Variants in FAM81A observed in about 807,000 individuals in gnomAD.
FAM81A encodes the protein family with sequence similarity 81 member A, also known as protein FAM81A.
FAM81A carries 19 observed loss-of-function variants against 46.7 expected under a neutral mutation model. The ratio of observed to expected loss-of-function variants is 0.41; its 90% CI spans 0.28 to 0.60. The LOEUF is 0.60. Ranked by LOEUF, FAM81A falls within the 20% of genes least tolerant of loss-of-function variation. The pLI is 0.34. For missense variants in FAM81A, 377 were observed against 453.5 expected, an observed-to-expected ratio of 0.83 and a Z score of 1.53; for synonymous variants, 183 against 152.9, an observed-to-expected ratio of 1.20 and a Z score of -1.45.
chr15:59,513,347 A>C (rs2082233238), intron 6 of FAM81A, among the ~76,000 whole-genome samples: 1 of 152,146 alleles, frequency 6.6e-6, no homozygotes, highest in Non-Finnish European at 1.5e-5. Context: ...GAGCCTGGGG[A>C]AGAAGGGGAC....
intron 3 of FAM81A, among the ~76,000 whole-genome samples, chr15:59,479,020 T>A (rs2081810470): frequency 6.6e-6 from 1 of 152,186 alleles, no homozygotes; most frequent in African/African-American, 2.4e-5. Context: ...ACTAATCCAC[T>A]AACCCACTAA....
At chr15:59,507,533 C>G (rs2082162469) in intron 5 of FAM81A, among the ~76,000 whole-genome samples, 191 bp downstream of exon 5, 2 of 152,126 alleles carry the variant, frequency 1.3e-5, no homozygotes, top group African/African-American at 2.4e-5. Context: ...GTCTGGCAAC[C>G]AAACCACCAA....
intron 4 of FAM81A, 137 bp downstream of exon 4, chr15:59,492,526 A>G (rs1215714243): frequency 2.9e-6 from 2 of 686,136 alleles, no homozygotes; most frequent in South Asian, 1.9e-5. Context: ...TGCTTTGGCC[A>G]TAAAATCCAG....
chr15:59,516,875 T>C, intron 8 of FAM81A, 35 bp downstream of exon 8: 1 of 1,526,302 alleles, frequency 6.6e-7, no homozygotes, highest in Non-Finnish European at 8.8e-7. Context: ...CGTGCTTTAT[T>C]TTCTGTTTGT....
intron 2 of FAM81A, among the ~76,000 whole-genome samples, chr15:59,426,472 G>T (rs1188773611): frequency 1.3e-5 from 2 of 152,162 alleles, no homozygotes; most frequent in Admixed American, 1.3e-4. Context: ...AATTAGCCAG[G>T]CGTGGTGGCG....
intron 3 of FAM81A, among the ~76,000 whole-genome samples, chr15:59,486,080 G>T (rs532476359): frequency 2.0e-5 from 3 of 152,278 alleles, no homozygotes; most frequent in African/African-American, 7.2e-5. Context: ...TCAGGAGGCT[G>T]AGGCAGGAGA....
intron 3 of FAM81A, among the ~76,000 whole-genome samples, chr15:59,461,807 A>T (rs1015457810): frequency 1.3e-5 from 2 of 152,172 alleles, no homozygotes; most frequent in Non-Finnish European, 2.9e-5. Flanking sequence ...TGCTATGAAC[A>T]TTTGTGACAG....
At chr15:59,449,781 CAAAAAAAAAAA>C (rs71119473) in intron 1 of FAM81A, among the ~76,000 whole-genome samples, 5 of 70,314 alleles carry the variant, frequency 7.1e-5, no homozygotes, top group East Asian at 4.2e-4. Context: ...GACTCTGTCT[CAAAAAAAAAAA>C]AAAAAAAAAA....
intron 4 of FAM81A, among the ~76,000 whole-genome samples, chr15:59,503,401 A>G (rs1238097149): frequency 6.6e-6 from 1 of 152,106 alleles, no homozygotes; most frequent in African/African-American, 2.4e-5. Flanking sequence ...GTAGTCTAAT[A>G]AGTTTCTTTA....
chr15:59,424,797 G>T (rs2081188404), intron 2 of FAM81A, among the ~76,000 whole-genome samples: 1 of 152,182 alleles, frequency 6.6e-6, no homozygotes, highest in Admixed American at 6.5e-5. Context: ...TGCAGTCATT[G>T]TAATCCAAGC....
intron 1 of FAM81A, among the ~76,000 whole-genome samples, chr15:59,443,466 T>TC (rs1489208225): frequency 6.6e-6 from 1 of 152,196 alleles, no homozygotes; most frequent in African/African-American, 2.4e-5. Flanking sequence ...CTCTTTCATT[T>TC]CCTCTAATCT....
At chr15:59,401,472 G>A (rs1047036491) in intron 1 of FAM81A, 14 of 773,822 alleles carry the variant, frequency 1.8e-5, no homozygotes, top group East Asian at 1.7e-4. Flanking sequence ...TTCTTGAAAC[G>A]CAAGCCCATT....
chr15:59,497,865 A>G (rs2082050704), intron 4 of FAM81A, among the ~76,000 whole-genome samples: 1 of 152,200 alleles, frequency 6.6e-6, no homozygotes, highest in African/African-American at 2.4e-5. Context: ...TATTTAAAAA[A>G]AATTTTTTTA....
chr15:59,471,147 A>G (rs2081683253), intron 3 of FAM81A, among the ~76,000 whole-genome samples: 1 of 152,160 alleles, frequency 6.6e-6, no homozygotes, highest in Non-Finnish European at 1.5e-5. Flanking sequence ...TAACCTCTTT[A>G]CATTTTTTGA....
intron 2 of FAM81A, among the ~76,000 whole-genome samples, chr15:59,429,652 T>G (rs1400413976): frequency 6.6e-6 from 1 of 152,240 alleles, no homozygotes; most frequent in South Asian, 2.1e-4. Context: ...AAACTTACAA[T>G]GAATTAGCAA....
chr15:59,492,674 C>T (rs781302929), intron 4 of FAM81A, among the ~76,000 whole-genome samples: 9 of 152,172 alleles, frequency 5.9e-5, no homozygotes, highest in East Asian at 3.9e-4. Flanking sequence ...CTAAGTTTAT[C>T]GAATCCGAAA....
At chr15:59,494,323 G>A (rs764641410) in intron 4 of FAM81A, among the ~76,000 whole-genome samples, 1 of 152,144 alleles carries the variant, frequency 6.6e-6, no homozygotes, top group Admixed American at 6.5e-5. Context: ...GAGGATCTTC[G>A]TAGCCGCTTG....
chr15:59,470,834 T>G (rs370801305), intron 3 of FAM81A, among the ~76,000 whole-genome samples: 2 of 152,284 alleles, frequency 1.3e-5, no homozygotes, highest in East Asian at 3.9e-4. Flanking sequence ...TTTTTTTTCT[T>G]TTTTTGAGAC....
intron 1 of FAM81A, among the ~76,000 whole-genome samples, chr15:59,449,317 AGTTT>A (rs1458853838): frequency 1.3e-5 from 2 of 152,190 alleles, no homozygotes; most frequent in Non-Finnish European, 2.9e-5. Context: ...TGAAAAATTA[AGTTT>A]AAGAAGTAAA....
Sources: allele counts gnomAD v4.1 joint callset (sites outside exome capture counted in the v4.1 genomes callset), GRCh38; gene constraint gnomAD v4.1.1; transcripts MANE v1.5; gene names NCBI Gene and HGNC (gene_info 2026-07-23, HGNC 2026-07-21).